Variants in CRISP1 observed in about 807,000 individuals in gnomAD.
CRISP1 encodes the protein cysteine-rich secretory protein 1.
Under a neutral mutation model 33.1 loss-of-function variants are expected in CRISP1, and 44 were observed. The observed-to-expected ratio is 1.33, with a 90% CI of 1.05 to 1.71. CRISP1 has a LOEUF of 1.71. Among genes scored for constraint, CRISP1 ranks in the 40% most tolerant of loss-of-function variants. The pLI is 0.00. For missense variants in CRISP1, 390 were observed against 301.2 expected (o/e 1.29, Z -2.18); for synonymous variants, 103 against 98.7 (o/e 1.04, Z -0.26).
At position 49,836,513 on chromosome 6, in the gene CRISP1, A is replaced by AT. The variant is rs1290258839; in HGVS notation, c.623-1071dup. Among the ~76,000 whole-genome samples, 518 of 149,392 alleles carry AT rather than the reference A, an allele frequency of 3.5e-3. 5 individuals are homozygous for AT. Among genetic ancestry groups the AT allele is most frequent in the African/African-American group, 0.012 (495 of 40,756 alleles). ...ATCACGCCCTGCTAATTTTTTTTTT[A>AT]TTTTTTAGTAGAGACGGGGTTTCAC... is the stretch of plus-strand genomic sequence containing the variant. On this transcript the variant is annotated intron_variant, in intron 7 of 7. Transcript: ENST00000335847.
intron 3 of CRISP1, 25 bp from the exon 4 acceptor site, chr6:49,848,324 A>T: frequency 7.5e-7 from 1 of 1,341,736 alleles, no homozygotes; most frequent in African/African-American, 1.5e-5. Context: ...AAAAAAAAGC[A>T]CATGTTCCAA....
At chr6:49,855,155 G>C (rs564819637) in intron 2 of CRISP1, among the ~76,000 whole-genome samples, 78 of 152,174 alleles carry the variant, frequency 5.1e-4, no homozygotes, top group African/African-American at 1.9e-3. Context: ...TCTTTCACCT[G>C]GACTGATTGT....
Position 49,834,769 on chromosome 6 carries a change from A to G in CRISP1, c.*547T>C, listed in dbSNP as rs959069974. The stretch of plus-strand genomic sequence containing the variant: ...TTTTTTATTGTTTCTTGCTTCACAA[A>G]TGTATATATAGATGTGTCAATAAAA... On this transcript the variant is annotated 3_prime_UTR_variant, in exon 8 of 8. Transcript: ENST00000335847. 1 of 152,244 alleles carries G rather than the reference A, an allele frequency of 6.6e-6. No individual in the cohort carries two copies. The highest frequency in any genetic ancestry group is 2.4e-5 in the African/African-American group (1 of 41,446). The allele number at this position is 152,244 out of a possible 1,614,324, so 9.4% of individuals were successfully genotyped here. A position where few individuals can be genotyped will look rare whatever the true frequency, so the allele number is the denominator to read the frequency against.
chr6:49,869,983 T>A (rs1771885656), upstream of CRISP1, among the ~76,000 whole-genome samples: 1 of 152,142 alleles, frequency 6.6e-6, no homozygotes, highest in Non-Finnish European at 1.5e-5. Context: ...AAGGAACAGG[T>A]CCCTTCTCAG....
chr6:49,849,327 G>T (rs1473218428), intron 3 of CRISP1, among the ~76,000 whole-genome samples: 1 of 152,146 alleles, frequency 6.6e-6, no homozygotes, highest in Non-Finnish European at 1.5e-5. Context: ...AGGCTTTCCT[G>T]ATCACCACAC....
chr6:49,849,413 A>G (rs1343024908), intron 3 of CRISP1, among the ~76,000 whole-genome samples: 1 of 152,026 alleles, frequency 6.6e-6, no homozygotes, highest in Non-Finnish European at 1.5e-5. Flanking sequence ...TCCCTCCTAT[A>G]TAAACTTTTA....
chr6:49,871,748 C>T (rs1582289530), intron 1 of CRISP1, among the ~76,000 whole-genome samples: 1 of 152,014 alleles, frequency 6.6e-6, no homozygotes, highest in Admixed American at 6.6e-5. Flanking sequence ...TTTATAGCTG[C>T]ATAGTATTCC....
chr6:49,870,582 A>C (rs1186059749), upstream of CRISP1, among the ~76,000 whole-genome samples: 3 of 152,184 alleles, frequency 2.0e-5, no homozygotes, highest in Non-Finnish European at 2.9e-5. Context: ...ACTGACTCGA[A>C]GTCAAGGTCA....
At chr6:49,847,958 AT>A (rs1771232240) in intron 4 of CRISP1, among the ~76,000 whole-genome samples, 2 of 152,210 alleles carry the variant, frequency 1.3e-5, no homozygotes, top group South Asian at 4.1e-4. Context: ...TTTTTTATTC[AT>A]TTCTCCTGAT....
chr6:49,861,388 T>C (rs1045722014), intron 1 of CRISP1, among the ~76,000 whole-genome samples: 1 of 152,106 alleles, frequency 6.6e-6, no homozygotes, highest in African/African-American at 2.4e-5. Flanking sequence ...TAAGATATAA[T>C]GCACCATGAT....
upstream of CRISP1, among the ~76,000 whole-genome samples, chr6:49,868,219 G>A (rs1009075809): frequency 6.6e-6 from 1 of 152,136 alleles, no homozygotes; most frequent in Non-Finnish European, 1.5e-5. Context: ...ATTTGCATGT[G>A]AGTCCCAAAC....
At chr6:49,876,045 T>TG (rs1008889839) in intron 1 of CRISP1, among the ~76,000 whole-genome samples, 34 of 151,814 alleles carry the variant, frequency 2.2e-4, no homozygotes, top group African/African-American at 8.0e-4. Flanking sequence ...AATAGACAAA[T>TG]GGGATCTAAT....
chr6:49,841,023 C>T (rs376494226), intron 5 of CRISP1, 28 bp from the exon 6 acceptor site: 4 of 1,540,372 alleles, frequency 2.6e-6, no homozygotes, highest in Non-Finnish European at 3.6e-6. Flanking sequence ...TGTTTTATTA[C>T]AGATTAAATA....
At position 49,847,343 on chromosome 6, in the gene CRISP1, G is replaced by T. The variant is rs188483935; in HGVS notation, c.287-675C>A. ...ATGTAATCCCCGTGTTGAAGGTGGGGCCTGACCGGAGACGTTTACCTCACG... is the reference window on the plus strand; with the variant it reads ...ATGTAATCCCCGTGTTGAAGGTGGGTCCTGACCGGAGACGTTTACCTCACG... On this transcript the variant is annotated intron_variant, in intron 4 of 7. Coordinates refer to ENST00000335847, the MANE Select transcript of CRISP1 (RefSeq NM_001131.3). Among the ~76,000 whole-genome samples, 12 of 152,248 alleles carry T rather than the reference G, an allele frequency of 7.9e-5. No homozygotes were observed. The East Asian group carries it at 1.9e-3, about 25-fold the overall frequency.
intron 7 of CRISP1, among the ~76,000 whole-genome samples, chr6:49,837,441 ATT>A (rs76174671): frequency 1.7e-4 from 23 of 137,198 alleles, no homozygotes; most frequent in Non-Finnish European, 1.6e-4. Flanking sequence ...TAACTGGTTG[ATT>A]TTTTTTTTTT....
upstream of CRISP1, among the ~76,000 whole-genome samples, chr6:49,869,357 C>T (rs1449340948): frequency 6.6e-6 from 1 of 152,152 alleles, no homozygotes; most frequent in African/African-American, 2.4e-5. Context: ...TCACCTACCC[C>T]TGAGCAAATG....
chr6:49,862,464 A>G (rs1771679751), intron 1 of CRISP1, among the ~76,000 whole-genome samples: 1 of 151,992 alleles, frequency 6.6e-6, no homozygotes, highest in Admixed American at 6.6e-5. Flanking sequence ...TTTTTGTCAA[A>G]AGTGTGTGAA....
intron 1 of CRISP1, among the ~76,000 whole-genome samples, chr6:49,876,821 G>A (rs751671891): frequency 6.6e-6 from 1 of 151,956 alleles, no homozygotes; most frequent in Non-Finnish European, 1.5e-5. Flanking sequence ...ACTTGTAAGT[G>A]GTTGCTGAAT....
intron 1 of CRISP1, among the ~76,000 whole-genome samples, chr6:49,871,546 C>G (rs1434670075): frequency 2.0e-5 from 2 of 100,516 alleles, no homozygotes; most frequent in Non-Finnish European, 3.7e-5. Context: ...CTATCCCTCC[C>G]CCCTCCCCCC....
Sources: allele counts gnomAD v4.1 joint callset (sites outside exome capture counted in the v4.1 genomes callset), GRCh38; gene constraint gnomAD v4.1.1; transcripts MANE v1.5; gene names NCBI Gene and HGNC (gene_info 2026-07-23, HGNC 2026-07-21).